Variants in OCA2 observed in about 807,000 individuals in gnomAD.
OCA2 encodes the protein OCA2 melanosomal transmembrane protein, also known as P protein.
OCA2 carries 77 observed loss-of-function variants against 100.2 expected under a neutral mutation model. The observed-to-expected ratio is 0.77, with a 90% CI of 0.64 to 0.93. The LOEUF (loss-of-function observed/expected upper bound fraction) is 0.93, where lower values mean the gene tolerates loss of function less well. Ranked by LOEUF, OCA2 falls within the 40% of genes least tolerant of loss-of-function variation. The pLI is 0.00. For synonymous variants in OCA2, 432 were observed against 439.2 expected, an observed-to-expected ratio of 0.98 and a Z score of 0.21; for missense variants, 1,062 against 1,089.1, an observed-to-expected ratio of 0.98 and a Z score of 0.35.
At chr15:28,007,147 A>C (rs1341279275) in intron 9 of OCA2, among the ~76,000 whole-genome samples, 1 of 152,246 alleles carries the variant, frequency 6.6e-6, no homozygotes, top group Non-Finnish European at 1.5e-5. Context: ...TGTTTCCAGC[A>C]GAAAGGAGCT....
At chr15:28,023,912 G>A (rs1189518365) in intron 5 of OCA2, among the ~76,000 whole-genome samples, 1 of 152,022 alleles carries the variant, frequency 6.6e-6, no homozygotes, top group Non-Finnish European at 1.5e-5. Context: ...ATACACCCAC[G>A]TGCAGACACG....
At chr15:27,766,280 A>G (rs1338214718) in intron 23 of OCA2, among the ~76,000 whole-genome samples, 2 of 152,208 alleles carry the variant, frequency 1.3e-5, no homozygotes, top group African/African-American at 4.8e-5. Flanking sequence ...AATAGTTGAC[A>G]TTTTTTAAAT....
At position 28,022,571 on chromosome 15, in the gene OCA2, A is replaced by T; in HGVS notation, c.576T>A (p.Ile192=). The change falls in exon 6 of 24, where the codon ATT becomes ATA. Residue 192 remains isoleucine, a splice_region_variant and synonymous_variant. Coordinates refer to ENST00000354638, the MANE Select transcript of OCA2 (RefSeq NM_000275.3). The part of the protein sequence containing the change: ...GLFAFVVLCS[I]LFSLYPDQGK... ...CTTGATCCGGATATAGGCTGAACAA[A>T]ATCTGTAACAATCAGAAACGTTGAA... is the stretch of plus-strand genomic sequence containing the variant. 1 of 1,612,292 alleles carries T rather than the reference A, an allele frequency of 6.2e-7. No homozygotes were observed. The highest frequency in any genetic ancestry group is 8.5e-7 in the Non-Finnish European group (1 of 1,178,346).
intron 2 of OCA2, among the ~76,000 whole-genome samples, chr15:28,049,470 T>A (rs1247825091): frequency 6.6e-6 from 1 of 152,236 alleles, no homozygotes; most frequent in Admixed American, 6.5e-5. Flanking sequence ...CACTCCTAGA[T>A]GTATATCCCA....
At chr15:27,884,855 C>T (rs567430590) in intron 19 of OCA2, among the ~76,000 whole-genome samples, 1 of 152,122 alleles carries the variant, frequency 6.6e-6, no homozygotes, top group African/African-American at 2.4e-5. Context: ...TCTCTTTCTG[C>T]TGTTTATTTC....
intron 2 of OCA2, among the ~76,000 whole-genome samples, chr15:28,052,003 A>G (rs1358932192): frequency 6.6e-6 from 1 of 152,154 alleles, no homozygotes; most frequent in South Asian, 2.1e-4. Context: ...GGATCCTCCT[A>G]TCAGAGGCTG....
At chr15:27,949,744 C>T (rs2039970154) in intron 18 of OCA2, among the ~76,000 whole-genome samples, 1 of 152,182 alleles carries the variant, frequency 6.6e-6, no homozygotes, top group Non-Finnish European at 1.5e-5. Context: ...GATCACATTG[C>T]TACTGGCTGA....
chr15:27,949,879 A>G (rs1466314244), intron 18 of OCA2, among the ~76,000 whole-genome samples: 1 of 152,182 alleles, frequency 6.6e-6, no homozygotes, highest in Non-Finnish European at 1.5e-5. Flanking sequence ...AACCTAACCT[A>G]TCTTGATAAA....
intron 4 of OCA2, among the ~76,000 whole-genome samples, chr15:28,025,929 A>G (rs2042734556): frequency 6.6e-6 from 1 of 152,242 alleles, no homozygotes; most frequent in African/African-American, 2.4e-5. Flanking sequence ...CTTGTTTTGC[A>G]TTCTCTTAGA....
chr15:27,915,457 T>G (rs534059503), intron 19 of OCA2, among the ~76,000 whole-genome samples: 2 of 152,202 alleles, frequency 1.3e-5, no homozygotes, highest in African/African-American at 4.8e-5. Flanking sequence ...TTGCACACTA[T>G]GTATCTGACA....
chr15:28,034,332 G>A (rs2141401082), intron 2 of OCA2, among the ~76,000 whole-genome samples: 1 of 152,228 alleles, frequency 6.6e-6, no homozygotes, highest in East Asian at 1.9e-4. Flanking sequence ...TAACTAAGGA[G>A]ATGTAAATGG....
chr15:28,075,435 A>C (rs2044400454), intron 2 of OCA2, among the ~76,000 whole-genome samples: 1 of 152,226 alleles, frequency 6.6e-6, no homozygotes, highest in East Asian at 1.9e-4. Context: ...AGTGCTGACA[A>C]TGACGCAGAG....
At chr15:27,741,743 G>A in the OCA2 span, among the ~76,000 whole-genome samples, 1 of 152,142 alleles carries the variant, frequency 6.6e-6, no homozygotes, top group Non-Finnish European at 1.5e-5. Flanking sequence ...GATAAGGGAG[G>A]GGACGGGGGC....
At chr15:27,885,382 G>T in intron 19 of OCA2, among the ~76,000 whole-genome samples, 2 of 152,260 alleles carry the variant, frequency 1.3e-5, no homozygotes, top group Middle Eastern at 6.8e-3. Flanking sequence ...CCATGGGAAG[G>T]CTTTCCAAAC....
intron 19 of OCA2, among the ~76,000 whole-genome samples, chr15:27,906,790 A>T (rs2038196026): frequency 6.6e-6 from 1 of 152,192 alleles, no homozygotes; most frequent in African/African-American, 2.4e-5. Flanking sequence ...TACAAAGAAC[A>T]GTTTATTTGG....
chr15:27,980,973 T>C (rs1329825178), intron 14 of OCA2, among the ~76,000 whole-genome samples: 1 of 152,218 alleles, frequency 6.6e-6, no homozygotes, highest in Non-Finnish European at 1.5e-5. Flanking sequence ...CGTTCCCCTC[T>C]CTCCTTCAGA....
chr15:27,813,119 G>A (rs566864909), intron 23 of OCA2, among the ~76,000 whole-genome samples: 15 of 152,314 alleles, frequency 9.8e-5, no homozygotes, highest in African/African-American at 3.6e-4. Context: ...GAGGAACAAG[G>A]AGAAAGGGGC....
At chr15:27,854,773 C>T (rs1403649174) in intron 21 of OCA2, among the ~76,000 whole-genome samples, 3 of 152,166 alleles carry the variant, frequency 2.0e-5, no homozygotes, top group African/African-American at 7.2e-5. Context: ...CCACGGGGCC[C>T]CTAGGCACTG....
Position 27,851,420 on chromosome 15 carries a change from G to A in OCA2, c.2300C>T (p.Pro767Leu), listed in dbSNP as rs577826548. ...HDPEVGLPAP[P>L]LMYALAFGAC... is the part of the protein sequence containing the mutation. ...ACCGAAGGCCAGGGCATACATGAGCGGCGGTGCGGGCAGGCCAACCTCAGG... is the reference window on the plus strand; with the variant it reads ...ACCGAAGGCCAGGGCATACATGAGCAGCGGTGCGGGCAGGCCAACCTCAGG... Residue 767 changes from proline to leucine, a missense_variant, in exon 22 of 24, where the codon CCG (proline) becomes CTG (leucine). Transcript: ENST00000354638. 20 of 1,614,016 alleles carry A rather than the reference G, an allele frequency of 1.2e-5. No homozygotes were observed. Among genetic ancestry groups the A allele is most frequent in the South Asian group, 5.5e-5 (5 of 91,014 alleles).
Sources: gnomAD v4.1 joint callset for allele counts (sites outside exome capture counted in the v4.1 genomes callset) on GRCh38, gnomAD v4.1.1 for gene constraint, MANE v1.5 for transcripts, NCBI Gene and HGNC (gene_info 2026-07-23, HGNC 2026-07-21) for gene names.